Variants in ENPP2 observed in about 807,000 individuals in gnomAD.
ENPP2 encodes autotaxin.
A neutral mutation model predicts 120.2 loss-of-function variants in ENPP2; 51 were observed. The ratio of observed to expected loss-of-function variants is 0.42; its 90% CI spans 0.34 to 0.54. ENPP2 has a LOEUF of 0.54. ENPP2 is among the 20% of genes least tolerant of loss of function. The pLI is 0.04. For missense variants in ENPP2, 920 were observed against 1,066.5 expected, an observed-to-expected ratio of 0.86 and a Z score of 1.91; for synonymous variants, 365 against 366.4, an observed-to-expected ratio of 1.00 and a Z score of 0.04.
intron 3 of ENPP2, among the ~76,000 whole-genome samples, chr8:119,623,968 C>T (rs937844814): frequency 6.6e-6 from 1 of 152,096 alleles, no homozygotes; most frequent in African/African-American, 2.4e-5. Flanking sequence ...TATCTCTTCT[C>T]GAGGAGATTA....
At chr8:119,632,148 T>C (rs1816725573) in intron 2 of ENPP2, among the ~76,000 whole-genome samples, 1 of 152,214 alleles carries the variant, frequency 6.6e-6, no homozygotes, top group Non-Finnish European at 1.5e-5. Flanking sequence ...GTTGTCTTCC[T>C]TTACTTGACC....
chr8:119,663,175 A>G (rs1452528895), intron 1 of ENPP2, among the ~76,000 whole-genome samples: 1 of 152,092 alleles, frequency 6.6e-6, no homozygotes, highest in South Asian at 2.1e-4. Context: ...AATGGGTAGT[A>G]TAATTGTCGT....
intron 5 of ENPP2, 91 bp downstream of exon 5, chr8:119,619,153 C>A: frequency 1.0e-6 from 1 of 960,162 alleles, no homozygotes; most frequent in East Asian, 2.4e-5. Flanking sequence ...ATTTCAGTTC[C>A]ACATTGTTTC....
chr8:119,638,169 T>C (rs894863914), intron 2 of ENPP2, among the ~76,000 whole-genome samples: 1 of 152,234 alleles, frequency 6.6e-6, no homozygotes. Context: ...AGAGTTTTAA[T>C]TGTATCCTAA....
At chr8:119,569,526 G>T (rs1379902884) in intron 20 of ENPP2, among the ~76,000 whole-genome samples, 156 bp from the exon 21 acceptor site, 2 of 151,840 alleles carry the variant, frequency 1.3e-5, no homozygotes, top group African/African-American at 4.8e-5. Flanking sequence ...CTTTTTAAAA[G>T]TCCTTAGTTT....
In ENPP2 at chr8:119,599,046, C is replaced by CT. The variant is rs377035127; in HGVS notation, c.972+1631dup. Reference sequence around the variant, plus strand: ...TGAACATTTTGATAAAATGTGGTTCCTTTTGTTCCCTTTAGGTTAATCTCA... The same window carrying CT: ...TGAACATTTTGATAAAATGTGGTTCCTTTTTGTTCCCTTTAGGTTAATCTCA... On this transcript the variant is annotated intron_variant, in intron 11 of 24. Coordinates refer to ENST00000075322, the MANE Select transcript of ENPP2 (RefSeq NM_001040092.3). Among the ~76,000 whole-genome samples the CT allele has an allele frequency of 1.3e-4, 20 of 152,296 alleles. No individual in the cohort carries two copies. In the East Asian group the frequency reaches 2.9e-3, roughly 22 times the overall value.
At chr8:119,571,916 A>C in intron 19 of ENPP2, 2 of 348,150 alleles carry the variant, frequency 5.7e-6, no homozygotes, top group Non-Finnish European at 1.0e-5. Flanking sequence ...CCCAGATAGA[A>C]CTGCGGATTT....
chr8:119,583,766 C>T lies in ENPP2; in HGVS notation c.1494G>A (p.Lys498=), dbSNP rs1213093603. 1.2e-6 allele frequency: 2 copies of T among 1,602,802 alleles called. No homozygotes were observed. The highest frequency in any genetic ancestry group is 1.7e-6 in the Non-Finnish European group (2 of 1,170,838). Reference sequence around the variant, plus strand: ...TGTTTTCAAATGGAGGCACTTTAGTCTTGTACTTAAATGTTGAGCCATAAC... The same window carrying T: ...TGTTTTCAAATGGAGGCACTTTAGTTTTGTACTTAAATGTTGAGCCATAAC... ...FVGYGSTFKY[K]TKVPPFENIE... The change falls in exon 17 of 25, where the codon AAG becomes AAA. Residue 498 remains lysine (K), a synonymous_variant. Transcript: ENST00000075322.
intron 3 of ENPP2, among the ~76,000 whole-genome samples, chr8:119,624,637 G>A (rs1816146125): frequency 6.6e-6 from 1 of 152,130 alleles, no homozygotes; most frequent in African/African-American, 2.4e-5. Context: ...ATTACTCAAT[G>A]AATTAGGTTG....
intron 1 of ENPP2, among the ~76,000 whole-genome samples, chr8:119,657,988 A>G (rs1390259487): frequency 6.6e-6 from 1 of 152,212 alleles, no homozygotes; most frequent in Non-Finnish European, 1.5e-5. Flanking sequence ...GGGTGAATGA[A>G]TGATTTTTTG....
intron 12 of ENPP2, among the ~76,000 whole-genome samples, chr8:119,592,666 G>A (rs1813605679): frequency 6.6e-6 from 1 of 151,682 alleles, no homozygotes; most frequent in Non-Finnish European, 1.5e-5. Context: ...GTGAGCAAAT[G>A]CTCTTGACAC....
At position 119,662,762 on chromosome 8, in the gene ENPP2, G is replaced by A. The variant is rs573788260; in HGVS notation, c.21+10490C>T. ...AGTTAACCAATCCCTGATTTTGAGC[G>A]TTGCAAGAGATAATGCATGGGCTTT... is the stretch of plus-strand genomic sequence containing the variant. On this transcript the variant is annotated intron_variant, in intron 1 of 25. Transcript: ENST00000427067. Among the ~76,000 whole-genome samples, 16 of 152,228 alleles carry A rather than the reference G, an allele frequency of 1.1e-4. No homozygotes were observed. In the South Asian group the frequency reaches 1.2e-3, roughly 12 times the overall value.
chr8:119,589,626 C>T (rs1046094354), intron 13 of ENPP2, among the ~76,000 whole-genome samples: 5 of 152,016 alleles, frequency 3.3e-5, no homozygotes, highest in African/African-American at 1.2e-4. Context: ...GCAGAAACAC[C>T]CACATTTTGT....
intron 3 of ENPP2, among the ~76,000 whole-genome samples, chr8:119,624,538 A>C (rs1816136887): frequency 6.6e-6 from 1 of 152,192 alleles, no homozygotes; most frequent in Admixed American, 6.5e-5. Flanking sequence ...AATTTATCTT[A>C]AGGAGAATAG....
chr8:119,619,231 A>G lies in ENPP2; in HGVS notation c.479+13T>C, dbSNP rs753293363. Reference sequence around the variant, plus strand: ...ATACATAAAACTTCAAAATAGTCATAAAATACACTTACCCTGCAGGGCATT... The same window carrying G: ...ATACATAAAACTTCAAAATAGTCATGAAATACACTTACCCTGCAGGGCATT... On this transcript the variant is annotated intron_variant, in intron 5 of 24. Transcript: ENST00000075322. The G allele has an allele frequency of 6.3e-7, 1 of 1,591,564 alleles. No homozygotes were observed. The highest frequency in any genetic ancestry group is 2.2e-5 in the East Asian group (1 of 44,740).
chr8:119,630,745 T>G (rs1816604176), intron 2 of ENPP2, among the ~76,000 whole-genome samples: 1 of 152,160 alleles, frequency 6.6e-6, no homozygotes, highest in African/African-American at 2.4e-5. Context: ...CTGGGTGGAT[T>G]AGGATATACC....
intron 11 of ENPP2, among the ~76,000 whole-genome samples, chr8:119,596,562 G>A (rs888004094): frequency 5.9e-5 from 9 of 152,066 alleles, no homozygotes; most frequent in Admixed American, 1.3e-4. Flanking sequence ...AACCAAGGAC[G>A]GAATGAAACA....
intron 2 of ENPP2, among the ~76,000 whole-genome samples, chr8:119,628,186 G>A (rs1816415187): frequency 6.6e-6 from 1 of 152,072 alleles, no homozygotes; most frequent in Non-Finnish European, 1.5e-5. Context: ...GTGGATGGGA[G>A]CCAATCAGTA....
At chr8:119,565,872 A>G (rs1231432366) in intron 22 of ENPP2, among the ~76,000 whole-genome samples, 4 of 151,338 alleles carry the variant, frequency 2.6e-5, no homozygotes, top group Admixed American at 6.6e-5. Context: ...TTTCTCTTGC[A>G]CGCACATGCA....
Sources: gnomAD v4.1 joint callset for allele counts (sites outside exome capture counted in the v4.1 genomes callset) on GRCh38, gnomAD v4.1.1 for gene constraint, MANE v1.5 for transcripts, NCBI Gene and HGNC (gene_info 2026-07-23, HGNC 2026-07-21) for gene names.